ARHGAP27: variants seen among roughly 807,000 people sequenced by gnomAD.
ARHGAP27 encodes the protein Rho GTPase activating protein 27.
In ARHGAP27, 53 loss-of-function variants were observed where a neutral mutation model predicts 102.0. The ratio of observed to expected loss-of-function variants is 0.52; its 90% CI spans 0.42 to 0.65. ARHGAP27 has a LOEUF of 0.65. Ranked by LOEUF, ARHGAP27 falls within the 30% of genes least tolerant of loss-of-function variation. ARHGAP27 has a pLI of 0.00. For synonymous variants in ARHGAP27, 525 were observed against 542.8 expected (o/e 0.97, Z 0.46); for missense variants, 1,117 against 1,256.2 (o/e 0.89, Z 1.68).
rs760227322 is a variant in ARHGAP27, at chr17:45,402,786, G to A, written c.1671C>T (p.Tyr557=). The part of the protein sequence containing the change: ...RQPSKFSTPE[Y]TVELRGATLS... ...GAGTGGCCCCCCTCAGCTCCACTGTGTACTCAGGGGTGGAAAACTTGGAAG... is the reference window on the plus strand; with the variant it reads ...GAGTGGCCCCCCTCAGCTCCACTGTATACTCAGGGGTGGAAAACTTGGAAG... The change falls in exon 12 of 20, where the codon TAC becomes TAT. Residue 557 remains tyrosine (Y), a synonymous_variant. Transcript: ENST00000685559. 1.2e-6 allele frequency: 2 copies of A among 1,613,372 alleles called. No homozygotes were observed. Among genetic ancestry groups the A allele is most frequent in the Non-Finnish European group, 1.7e-6 (2 of 1,179,674 alleles).
At chr17:45,409,882 TGG>T in intron 4 of ARHGAP27, 1 of 266,636 alleles carries the variant, frequency 3.8e-6, no homozygotes, top group Non-Finnish European at 7.1e-6. Context: ...CAATGGCTCT[TGG>T]GTCGCATCCT....
intron 10 of ARHGAP27, 104 bp from the exon 11 acceptor site, chr17:45,403,813 G>C: frequency 9.1e-7 from 1 of 1,098,714 alleles, no homozygotes. Flanking sequence ...ACACAGGCTA[G>C]GGCACCCCAT....
chr17:45,405,775 C>T lies in ARHGAP27; in HGVS notation c.966G>A (p.Leu322=). 6.4e-7 allele frequency: 1 copy of T among 1,573,532 alleles called. No individual in the cohort carries two copies. Among genetic ancestry groups the T allele is most frequent in the Non-Finnish European group, 8.6e-7 (1 of 1,165,968 alleles). ...CGTCCTCCCAGGCCGTCTCGCCCGT[C>T]AGCGGGTTGTAGAAGAACACCCTGC... ...ESRRVFFYNP[L]TGETAWEDEA... The change falls in exon 5 of 20, where the codon CTG becomes CTA. Residue 322 remains leucine, a synonymous_variant. Coordinates refer to ENST00000685559, the MANE Select transcript of ARHGAP27 (RefSeq NM_001282290.2).
intron 4 of ARHGAP27, among the ~76,000 whole-genome samples, chr17:45,417,131 A>G (rs1230075): frequency 0.73 from 108,962 of 150,014 alleles, 40,023 homozygotes; most frequent in African/African-American, 0.83. Flanking sequence ...ACTCCAGCCT[A>G]GGCAACAAAA....
chr17:45,407,044 C>T (rs1007347545), intron 4 of ARHGAP27, among the ~76,000 whole-genome samples: 3 of 152,198 alleles, frequency 2.0e-5, no homozygotes, highest in Middle Eastern at 3.2e-3. Flanking sequence ...GTAAGCCTCC[C>T]GGAACAGAGG....
intron 4 of ARHGAP27, chr17:45,429,287 A>G: frequency 3.8e-6 from 3 of 788,958 alleles, no homozygotes; most frequent in Non-Finnish European, 5.4e-6. Flanking sequence ...GCTCATTTGC[A>G]TTTCTGCAGC....
At chr17:45,403,755 C>T in intron 10 of ARHGAP27, 46 bp from the exon 11 acceptor site, 1 of 1,545,742 alleles carries the variant, frequency 6.5e-7, no homozygotes, top group Non-Finnish European at 8.9e-7. Context: ...TAGATTTGGT[C>T]CTGGGCTGAG....
intron 4 of ARHGAP27, among the ~76,000 whole-genome samples, chr17:45,416,927 G>C (rs2144827216): frequency 6.6e-6 from 1 of 151,002 alleles, no homozygotes; most frequent in South Asian, 2.1e-4. Context: ...GGCTGGGGCA[G>C]GCGGATCACC....
At chr17:45,405,543 T>A in intron 5 of ARHGAP27, 133 bp downstream of exon 5, 2 of 1,255,930 alleles carry the variant, frequency 1.6e-6, no homozygotes, top group East Asian at 5.1e-5. Flanking sequence ...GGAGAAGGGG[T>A]CAAAGGCTCT....
Position 45,404,086 on chromosome 17 carries a change from A to C in ARHGAP27, c.1490T>G (p.Leu497Trp). The change falls in exon 10 of 20, where the codon TTG (leucine) becomes TGG (tryptophan). Residue 497 changes from leucine to tryptophan, a missense_variant. Leu to Trp is a moderately conservative substitution (Grantham distance 61, BLOSUM62 -2). This residue lies in a region of ARHGAP27 where 610 missense variants were observed against 716.4 expected (regional missense o/e 0.85). Transcript: ENST00000685559. ...GCGATGGAGCACCCCTGCCTTGTCC[A>C]AGGTCTTGGTCTAAGAGAGAGAAGA... Reference protein sequence around the residue: ...PATAAVRTKTLDKAGVLHRTK... With the variant: ...PATAAVRTKTWDKAGVLHRTK... 6.2e-7 allele frequency: 1 copy of C among 1,614,060 alleles called. No homozygotes were observed. The highest frequency in any genetic ancestry group is 8.5e-7 in the Non-Finnish European group (1 of 1,180,010).
chr17:45,395,851 TG>T lies in ARHGAP27; in HGVS notation c.2387-3del. On this transcript the variant is annotated splice_polypyrimidine_tract_variant and splice_region_variant and intron_variant, in intron 18 of 19. Coordinates refer to ENST00000685559, the MANE Select transcript of ARHGAP27 (RefSeq NM_001282290.2). Reference sequence around the variant, plus strand: ...TGCGCCGGGCCTGGTCCTGCAACTCTGGGTGAGGGAAGGTTTAGAGGGAGGG... The same window carrying T: ...TGCGCCGGGCCTGGTCCTGCAACTCTGGTGAGGGAAGGTTTAGAGGGAGGG... The T allele has an allele frequency of 1.3e-6, 2 of 1,599,860 alleles. No homozygotes were observed. The highest frequency in any genetic ancestry group is 1.7e-6 in the Non-Finnish European group (2 of 1,173,458).
At chr17:45,400,913 T>C (rs1431972636) in intron 12 of ARHGAP27, among the ~76,000 whole-genome samples, 6 of 147,506 alleles carry the variant, frequency 4.1e-5, no homozygotes, top group African/African-American at 1.5e-4. Context: ...AGACTCTGGA[T>C]AATAATCATA....
chr17:45,397,096 C>T (rs2045837989), intron 13 of ARHGAP27, 72 bp from the exon 14 acceptor site: 1 of 1,573,078 alleles, frequency 6.4e-7, no homozygotes, highest in African/African-American at 1.4e-5. Flanking sequence ...GGGCAAGGGA[C>T]CCGAAATGCA....
intron 12 of ARHGAP27, among the ~76,000 whole-genome samples, chr17:45,401,138 T>C (rs2046391738): frequency 6.6e-6 from 1 of 152,094 alleles, no homozygotes. Flanking sequence ...GGCCATGAGT[T>C]TGAGACCTGC....
intron 4 of ARHGAP27, chr17:45,409,631 C>G (rs994631789): frequency 6.6e-6 from 1 of 152,580 alleles, no homozygotes; most frequent in Non-Finnish European, 1.5e-5. Context: ...CAGGCCCCTT[C>G]AAACTCTGGA....
rs956265131 is a variant in ARHGAP27, at chr17:45,430,460, ATGTAAGGCTTCCATTCTTACACTCAG to A, written c.-18-189_-18-164del. ...AAAATGGGAACTTGCATAAAATCACATGTAAGGCTTCCATTCTTACACTCAGTGCTGGAATTAGGACAGCCCTTCGT... is the reference window on the plus strand; with the variant it reads ...AAAATGGGAACTTGCATAAAATCACATGCTGGAATTAGGACAGCCCTTCGT... On this transcript the variant is annotated intron_variant, in intron 3 of 19. Coordinates refer to ENST00000685559, the MANE Select transcript of ARHGAP27 (RefSeq NM_001282290.2). This position sits in a 1 kb window ranked among gnomAD's most constrained non-coding sequence, Gnocchi z 4.4. 6.6e-6 allele frequency among the ~76,000 whole-genome samples: 1 copy of A among 152,094 alleles called. No homozygotes were observed. Among genetic ancestry groups the A allele is most frequent in the Non-Finnish European group, 1.5e-5 (1 of 67,994 alleles).
chr17:45,427,649 C>T lies in ARHGAP27; in HGVS notation c.657+1974G>A, dbSNP rs2049749772. Among the ~76,000 whole-genome samples the T allele has an allele frequency of 6.6e-6, 1 of 152,216 alleles. No individual in the cohort carries two copies. Among genetic ancestry groups the T allele is most frequent in the Admixed American group, 6.5e-5 (1 of 15,282 alleles). On this transcript the variant is annotated intron_variant, in intron 4 of 19. Transcript: ENST00000685559. This position sits in a 1 kb window ranked among gnomAD's most constrained non-coding sequence, Gnocchi z 4.5. ...ACCCACAGCTGCCTCTTGAATAAAG[C>T]TCTGTGGCAGGGAACGTGGTATTAT...
Position 45,404,917 on chromosome 17 carries a change from C to A in ARHGAP27, c.1248+7G>T, listed in dbSNP as rs2046948219. ...GCTGTCCGGGTCCATCTGCCCCCTG[C>A]CCCTACCTGCTCCTGAGTGAAGTGG... On this transcript the variant is annotated splice_region_variant and intron_variant, in intron 6 of 19. Transcript: ENST00000685559. The A allele has an allele frequency of 6.2e-7, 1 of 1,614,012 alleles. No homozygotes were observed. The highest frequency in any genetic ancestry group is 1.7e-5 in the Admixed American group (1 of 59,994).
Position 45,429,893 on chromosome 17 carries a change from C to T in ARHGAP27, c.387G>A (p.Ala129=), listed in dbSNP as rs756671522. The part of the protein sequence containing the change: ...SLCGPAQRGA[A]TQRSSLAPGL... ...CGGGCGCCAGGCTGCTGCGCTGGGTCGCGGCGCCGCGTTGCGCAGGGCCGC... is the reference window on the plus strand; with the variant it reads ...CGGGCGCCAGGCTGCTGCGCTGGGTTGCGGCGCCGCGTTGCGCAGGGCCGC... The change falls in exon 4 of 20, where the codon GCG becomes GCA. Residue 129 remains alanine (A), a synonymous_variant. Transcript: ENST00000685559. 5.1e-6 allele frequency: 6 copies of T among 1,179,140 alleles called. No individual in the cohort carries two copies. The South Asian group carries it at 8.4e-5, about 17-fold the overall frequency. 73.0% of individuals were successfully genotyped at this position (1,179,140 alleles called of 1,614,324 possible). A position where few individuals can be genotyped will look rare whatever the true frequency, so the allele number is the denominator to read the frequency against.
Sources: gnomAD v4.1 joint callset for allele counts (sites outside exome capture counted in the v4.1 genomes callset) on GRCh38, gnomAD v4.1.1 for gene constraint, gnomAD v4.1.1 regional missense constraint, Gnocchi (gnomAD v3.1) non-coding constraint, MANE v1.5 for transcripts, NCBI Gene and HGNC (gene_info 2026-07-23, HGNC 2026-07-21) for gene names.